Variants in CSMD1 observed in about 807,000 individuals in gnomAD.
CSMD1 encodes CUB and Sushi multiple domains 1, also known as CUB and sushi domain-containing protein 1.
CSMD1 carries 213 observed loss-of-function variants against 417.5 expected under a neutral mutation model. The ratio of observed to expected loss-of-function variants is 0.51; its 90% CI spans 0.46 to 0.57. The LOEUF (loss-of-function observed/expected upper bound fraction) is 0.57, where lower values mean the gene tolerates loss of function less well. Among genes scored for constraint, CSMD1 ranks in the 20% least tolerant of loss-of-function variants. CSMD1 has a pLI of 0.00. For missense variants in CSMD1, 6,923 were observed against 4,529.7 expected (o/e 1.53, Z -15.17); for synonymous variants, 2,862 against 1,736.8 (o/e 1.65, Z -16.11).
chr8:3,818,043 C>G lies in CSMD1; in HGVS notation c.819-64001G>C, dbSNP rs2720739. On this transcript the variant is annotated intron_variant, in intron 5 of 69. Transcript: ENST00000635120. The stretch of plus-strand genomic sequence containing the variant: ...CCTTCCAACCCCAAACCACGACTCT[C>G]GTTCTATTCGGCTTGGAGCAGGCAT... Among the ~76,000 whole-genome samples, 20 of 152,004 alleles carry G rather than the reference C, an allele frequency of 1.3e-4. No homozygotes were observed. In the South Asian group the frequency reaches 2.1e-3, roughly 16 times the overall value.
chr8:4,294,161 T>C (rs1797537155), intron 3 of CSMD1, among the ~76,000 whole-genome samples: 1 of 152,162 alleles, frequency 6.6e-6, no homozygotes, highest in Admixed American at 6.6e-5. Context: ...CAGCAGCCAC[T>C]GTAAGATGCC....
rs770558747 is a variant in CSMD1 at position 2,978,707 on chromosome 8, A to G, written c.8471T>C (p.Leu2824Pro). Residue 2824 changes from leucine (L) to proline (P), a missense_variant, in exon 55 of 70, where the codon CTG (leucine) becomes CCG (proline). Leu to Pro is a moderately conservative substitution (Grantham distance 98, BLOSUM62 -3). Transcript: ENST00000635120. ...GTAAAATCCCTTCTTGCAATGGTAC[A>G]GGATACTCATTCCATACTCAAAACT... is the stretch of plus-strand genomic sequence containing the variant. Reference protein sequence around the residue: ...PESFEYGMSILYHCKKGFYLL... With the variant: ...PESFEYGMSIPYHCKKGFYLL... The G allele has an allele frequency of 6.2e-7, 1 of 1,612,992 alleles. No individual in the cohort carries two copies.
At chr8:3,862,278 T>G (rs1804767248) in intron 5 of CSMD1, among the ~76,000 whole-genome samples, 1 of 152,198 alleles carries the variant, frequency 6.6e-6, no homozygotes. Flanking sequence ...AACTTACCAT[T>G]ACCTCTTAGA....
At chr8:4,788,275 C>T (rs1413731211) in intron 1 of CSMD1, 12 of 1,587,458 alleles carry the variant, frequency 7.6e-6, no homozygotes, top group African/African-American at 4.0e-5. Flanking sequence ...GATGGCATTC[C>T]TACTGTATTT....
rs1450545137 is a variant in CSMD1, at chr8:3,999,944, A to G, written c.611-1834T>C. Among the ~76,000 whole-genome samples, 4 of 152,230 alleles carry G rather than the reference A, an allele frequency of 2.6e-5. No homozygotes were observed. The South Asian group carries it at 6.2e-4, about 24-fold the overall frequency. ...AGATCCCAAATTTATTTTAAGATTA[A>G]TAATTATTAAGTGCACAGATTATAA... is the stretch of plus-strand genomic sequence containing the variant. On this transcript the variant is annotated intron_variant, in intron 4 of 69. Coordinates refer to ENST00000635120, the MANE Select transcript of CSMD1 (RefSeq NM_033225.6).
chr8:4,785,616 C>T (rs559633121), intron 1 of CSMD1, among the ~76,000 whole-genome samples: 1 of 152,102 alleles, frequency 6.6e-6, no homozygotes, highest in African/African-American at 2.4e-5. Flanking sequence ...CTCTGAGAAC[C>T]TCAGCTCACA....
intron 8 of CSMD1, among the ~76,000 whole-genome samples, chr8:3,587,542 A>G (rs1466084003): frequency 6.6e-6 from 1 of 151,992 alleles, no homozygotes; most frequent in African/African-American, 2.4e-5. Context: ...TGCTTAGTGG[A>G]AAAAAAATCC....
chr8:4,975,178 G>C (rs960847360), intron 1 of CSMD1, among the ~76,000 whole-genome samples: 1 of 152,110 alleles, frequency 6.6e-6, no homozygotes, highest in Non-Finnish European at 1.5e-5. Context: ...AGGTCCTACT[G>C]TTTTTAATTC....
At chr8:3,731,074 T>A (rs1796224467) in intron 6 of CSMD1, among the ~76,000 whole-genome samples, 1 of 152,204 alleles carries the variant, frequency 6.6e-6, no homozygotes, top group African/African-American at 2.4e-5. Flanking sequence ...TACGTCCTTA[T>A]ACACTTTCTT....
intron 21 of CSMD1, among the ~76,000 whole-genome samples, chr8:3,358,524 C>A (rs188780799): frequency 2.3e-4 from 35 of 152,338 alleles, no homozygotes; most frequent in African/African-American, 8.4e-4. Context: ...CGTCACCCCA[C>A]TGGATCAGCA....
intron 51 of CSMD1, among the ~76,000 whole-genome samples, chr8:3,022,876 G>A (rs867253335): frequency 4.6e-5 from 7 of 152,146 alleles, no homozygotes; most frequent in East Asian, 3.9e-4. Flanking sequence ...TAGAGAGATA[G>A]AGCTACCATC....
chr8:3,958,796 T>C (rs1241685642), intron 5 of CSMD1, among the ~76,000 whole-genome samples: 2 of 152,212 alleles, frequency 1.3e-5, no homozygotes, highest in African/African-American at 2.4e-5. Flanking sequence ...ACATTATGGC[T>C]TTATCTATGA....
intron 3 of CSMD1, among the ~76,000 whole-genome samples, chr8:4,374,143 G>A (rs62479509): frequency 8.5e-5 from 13 of 152,158 alleles, no homozygotes; most frequent in African/African-American, 2.4e-4. Flanking sequence ...AGCTGGATAA[G>A]TACGTCCTTA....
intron 3 of CSMD1, among the ~76,000 whole-genome samples, chr8:4,175,269 A>C (rs1005673542): frequency 1.3e-5 from 2 of 152,314 alleles, no homozygotes; most frequent in East Asian, 1.9e-4. Flanking sequence ...ATATTTAATT[A>C]TCTCTGCTGA....
intron 3 of CSMD1, among the ~76,000 whole-genome samples, chr8:4,090,535 C>A (rs896036627): frequency 6.6e-6 from 1 of 152,168 alleles, no homozygotes; most frequent in Non-Finnish European, 1.5e-5. Flanking sequence ...CTCTTCATGT[C>A]TTGGATTATC....
intron 3 of CSMD1, among the ~76,000 whole-genome samples, chr8:4,366,335 G>A (rs1349219566): frequency 6.6e-6 from 1 of 151,734 alleles, no homozygotes; most frequent in African/African-American, 2.4e-5. Context: ...CACCATTGGT[G>A]AACATCGTGG....
intron 54 of CSMD1, among the ~76,000 whole-genome samples, chr8:2,982,884 C>G (rs931135283): frequency 6.6e-6 from 1 of 152,262 alleles, no homozygotes; most frequent in East Asian, 1.9e-4. Flanking sequence ...CCTGTCTGCA[C>G]GCTGGTCTCT....
intron 1 of CSMD1, among the ~76,000 whole-genome samples, chr8:4,773,537 TGAAA>T (rs1697640920): frequency 6.6e-6 from 1 of 152,188 alleles, no homozygotes; most frequent in Non-Finnish European, 1.5e-5. Context: ...ATGATTCAGT[TGAAA>T]GAAAGTTACT....
intron 2 of CSMD1, among the ~76,000 whole-genome samples, chr8:4,438,614 T>C (rs1422842497): frequency 1.3e-5 from 2 of 152,168 alleles, no homozygotes; most frequent in Non-Finnish European, 2.9e-5. Flanking sequence ...CATGCTCCTA[T>C]TATTTTATAC....
Sources: allele counts gnomAD v4.1 joint callset (sites outside exome capture counted in the v4.1 genomes callset), GRCh38; gene constraint gnomAD v4.1.1; transcripts MANE v1.5; gene names NCBI Gene and HGNC (gene_info 2026-07-23, HGNC 2026-07-21).